The following C22orf39 variants were observed in gnomAD, a reference collection of about 807,000 sequenced individuals.
C22orf39 encodes synaptic plasticity regulator PANTS.
Under a neutral mutation model 18.3 loss-of-function variants are expected in C22orf39, and 20 were observed. The ratio of observed to expected loss-of-function variants is 1.09; its 90% CI spans 0.77 to 1.59. The LOEUF (loss-of-function observed/expected upper bound fraction) is 1.59. Among genes scored for constraint, C22orf39 ranks in the 40% most tolerant of loss-of-function variants. C22orf39 has a pLI of 0.00. For missense variants in C22orf39, 195 were observed against 156.1 expected, an observed-to-expected ratio of 1.25 and a Z score of -1.33; for synonymous variants, 63 against 59.6, an observed-to-expected ratio of 1.06 and a Z score of -0.26.
chr22:19,447,336 G>A (rs907617595), intron 2 of C22orf39, 42 bp downstream of exon 2: 5 of 1,427,728 alleles, frequency 3.5e-6, no homozygotes, highest in East Asian at 5.7e-5. Context: ...GCTGGGCCCC[G>A]CAAGGCGCTC....
rs1601879615 is a variant in C22orf39, at chr22:19,446,793, C to T, written c.192+585G>A. 2.0e-5 allele frequency among the ~76,000 whole-genome samples: 3 copies of T among 152,248 alleles called. No homozygotes were observed. In the South Asian group the frequency reaches 6.2e-4, roughly 32 times the overall value. On this transcript the variant is annotated intron_variant, in intron 2 of 2. Coordinates refer to ENST00000399562, the MANE Select transcript of C22orf39 (RefSeq NM_173793.5). Reference sequence around the variant, plus strand: ...CCATAGCTCACTGCAGCTTTGAACTCCTGGGCTTAGGCGATCCTCCCGCCT... The same window carrying T: ...CCATAGCTCACTGCAGCTTTGAACTTCTGGGCTTAGGCGATCCTCCCGCCT...
At chr22:19,447,280 G>T in intron 2 of C22orf39, 98 bp downstream of exon 2, 1 of 1,260,272 alleles carries the variant, frequency 7.9e-7, no homozygotes, top group Non-Finnish European at 1.0e-6. Flanking sequence ...GACCCCGTCA[G>T]TCCCCGGCTA....
intron 2 of C22orf39, among the ~76,000 whole-genome samples, chr22:19,446,440 TC>T (rs1383277833): frequency 2.0e-5 from 3 of 152,148 alleles, no homozygotes; most frequent in African/African-American, 7.2e-5. Context: ...TCCTTGGCAC[TC>T]CCCATGAGCC....
At chr22:19,444,483 G>T in intron 2 of C22orf39, 93 bp from the exon 3 acceptor site, 1 of 1,366,360 alleles carries the variant, frequency 7.3e-7, no homozygotes, top group Non-Finnish European at 9.9e-7. Context: ...AAACACAGAT[G>T]GACAGGCAGG....
chr22:19,443,362 GA>G lies in C22orf39; in HGVS notation c.*902del. 1.0e-6 allele frequency: 1 copy of G among 985,616 alleles called. No individual in the cohort carries two copies. Among genetic ancestry groups the G allele is most frequent in the Non-Finnish European group, 1.2e-6 (1 of 829,900 alleles). The allele number at this position is 985,616 out of a possible 1,614,324, so 61.1% of individuals were successfully genotyped here. ...ATTAGTAATAAACAGACCTCTTCAA[GA>G]AATAGTGTTTTTGGTGGTTCATACA... is the stretch of plus-strand genomic sequence containing the variant. On this transcript the variant is annotated 3_prime_UTR_variant, in exon 3 of 3. Transcript: ENST00000399562.
At position 19,447,447 on chromosome 22, in the gene C22orf39, G is replaced by A. The variant is rs2089648031; in HGVS notation, c.123C>T (p.Ala41=). ...HHYYVHGERP[A]CEQWQRDLAS... The stretch of plus-strand genomic sequence containing the variant: ...CCAGGTCGCGCTGCCACTGTTCGCA[G>A]GCCGGCCGCTCGCCGTGGACGTAGT... The change falls in exon 2 of 3, where the codon GCC becomes GCT. Residue 41 remains alanine (A), a synonymous_variant. Transcript: ENST00000399562. 4 of 1,513,202 alleles carry A rather than the reference G, an allele frequency of 2.6e-6. No homozygotes were observed. Among genetic ancestry groups the A allele is most frequent in the Non-Finnish European group, 3.5e-6 (4 of 1,139,216 alleles). The allele number at this position is 1,513,202 out of a possible 1,614,324, so 93.7% of individuals were successfully genotyped here. A position where few individuals can be genotyped will look rare whatever the true frequency, so the allele number is the denominator to read the frequency against.
chr22:19,447,513 C>T lies in C22orf39; in HGVS notation c.57G>A (p.Glu19=), dbSNP rs572806832. ...PPRPCEAYRA[E]WKLCRSARHF... The stretch of plus-strand genomic sequence containing the variant: ...GCCTGGCGCTGCGGCAGAGCTTCCA[C>T]TCGGCGCGGTAGGCCTCGCAGGGGC... Residue 19 remains glutamate (E), a synonymous_variant, in exon 2 of 3, where the codon GAG becomes GAA. Coordinates refer to ENST00000399562, the MANE Select transcript of C22orf39 (RefSeq NM_173793.5). The T allele has an allele frequency of 1.3e-5, 20 of 1,490,726 alleles. No homozygotes were observed. Among genetic ancestry groups the T allele is most frequent in the Admixed American group, 4.5e-5 (2 of 43,998 alleles). 92.3% of individuals were successfully genotyped at this position (1,490,726 alleles called of 1,614,324 possible). A position where few individuals can be genotyped will look rare whatever the true frequency, so the allele number is the denominator to read the frequency against.
At chr22:19,446,968 A>C (rs941682988) in intron 2 of C22orf39, among the ~76,000 whole-genome samples, 4 of 152,170 alleles carry the variant, frequency 2.6e-5, no homozygotes, top group Non-Finnish European at 5.9e-5. Flanking sequence ...GGTCCCTGGT[A>C]TACCGCTCTC....
In C22orf39 at chr22:19,444,460, T is replaced by C. The variant is rs1032855828; in HGVS notation, c.193-70A>G. 29 of 1,509,118 alleles carry C rather than the reference T, an allele frequency of 1.9e-5. No individual in the cohort carries two copies. The South Asian group carries it at 2.5e-4, about 13-fold the overall frequency. The allele number at this position is 1,509,118 out of a possible 1,614,324, so 93.5% of individuals were successfully genotyped here. ...TCAAGACCCCTGTACCTCCCCCCTC[T>C]CATCACCCTCTGAAACACAGATGGA... is the stretch of plus-strand genomic sequence containing the variant. On this transcript the variant is annotated intron_variant, in intron 2 of 2. Transcript: ENST00000399562.
rs1569321833 is a variant in C22orf39, at chr22:19,442,464, T to G, written c.*1801A>C. The G allele has an allele frequency of 6.6e-6, 1 of 152,268 alleles. No individual in the cohort carries two copies. Among genetic ancestry groups the G allele is most frequent in the Non-Finnish European group, 1.5e-5 (1 of 68,118 alleles). 9.4% of individuals were successfully genotyped at this position (152,268 alleles called of 1,614,324 possible). On this transcript the variant is annotated 3_prime_UTR_variant, in exon 3 of 3. Coordinates refer to ENST00000399562, the MANE Select transcript of C22orf39 (RefSeq NM_173793.5). ...AGGGGAAGCCCCTCATGGACTGGGG[T>G]GCTGGCTGGCATGCCCTGGCTTTTG...
Position 19,444,329 on chromosome 22 carries a change from C to T in C22orf39, c.254G>A (p.Trp85Ter). 1.2e-6 allele frequency: 2 copies of T among 1,601,368 alleles called. No individual in the cohort carries two copies. Residue 85 changes from tryptophan to a stop codon, truncating the protein, a stop_gained, in exon 3 of 3, where the codon TGG (tryptophan) becomes TAG (stop). Coordinates refer to ENST00000399562, the MANE Select transcript of C22orf39 (RefSeq NM_173793.5). LOFTEE classifies it high-confidence loss of function. ...VRAARKHILV[W>*]APRQSPPPDW... ...TGGAGGGGGGCTCTGCCTCGGGGCC[C>T]ACACCAGGATGTGCTTCCGTGCAGC...
chr22:19,441,851 G>A lies in C22orf39; in HGVS notation c.*2414C>T, dbSNP rs368012857. The A allele has an allele frequency of 3.0e-4, 285 of 934,956 alleles. 2 individuals are homozygous for A. The African/African-American group carries it at 3.9e-3, about 13-fold the overall frequency. 57.9% of individuals were successfully genotyped at this position (934,956 alleles called of 1,614,324 possible). A position where few individuals can be genotyped will look rare whatever the true frequency, so the allele number is the denominator to read the frequency against. On this transcript the variant is annotated 3_prime_UTR_variant, in exon 3 of 3. Transcript: ENST00000399562. The stretch of plus-strand genomic sequence containing the variant: ...TCTGTCACCCAGGTTGAAGTGCAGT[G>A]GGGCACAATCATGGCTCACTGCAGC...
At chr22:19,447,352 C>G (rs1161459934) in intron 2 of C22orf39, 26 bp downstream of exon 2, 2 of 1,451,706 alleles carry the variant, frequency 1.4e-6, no homozygotes, top group Non-Finnish European at 1.8e-6. Context: ...CGCTCCGAAG[C>G]GCCGCCCCGC....
rs911639784 is a variant in C22orf39, at chr22:19,441,597, T to C, written c.*2668A>G. On this transcript the variant is annotated 3_prime_UTR_variant, in exon 3 of 3. Transcript: ENST00000399562. ...AGGCTGGAGTGCAGTGGCACGATCA[T>C]AGCTGACTGCAACCTCAAACTCCTA... The C allele has an allele frequency of 3.4e-6, 3 of 870,100 alleles. No individual in the cohort carries two copies. The highest frequency in any genetic ancestry group is 1.7e-5 in the African/African-American group (1 of 60,016). 53.9% of individuals were successfully genotyped at this position (870,100 alleles called of 1,614,324 possible). A position where few individuals can be genotyped will look rare whatever the true frequency, so the allele number is the denominator to read the frequency against.
rs1601877055 is a variant in C22orf39, at chr22:19,441,439, A to G, written c.*2826T>C. On this transcript the variant is annotated 3_prime_UTR_variant, in exon 3 of 3. Coordinates refer to ENST00000399562, the MANE Select transcript of C22orf39 (RefSeq NM_173793.5). ...ATACATATTGTTTTGTATTTCAACA[A>G]TAATATGCTATATATAACAGTCTAT... 1 of 535,288 alleles carries G rather than the reference A, an allele frequency of 1.9e-6. No homozygotes were observed. Among genetic ancestry groups the G allele is most frequent in the Non-Finnish European group, 3.3e-6 (1 of 304,182 alleles). 33.2% of individuals were successfully genotyped at this position (535,288 alleles called of 1,614,324 possible).
chr22:19,441,506 T>C lies in C22orf39; in HGVS notation c.*2759A>G. On this transcript the variant is annotated 3_prime_UTR_variant, in exon 3 of 3. Coordinates refer to ENST00000399562, the MANE Select transcript of C22orf39 (RefSeq NM_173793.5). ...AAATACTTATTATTAATATGGGGTT[T>C]TATCCAAAACATTTATTTTTATTTT... 1.7e-6 allele frequency: 1 copy of C among 597,782 alleles called. No individual in the cohort carries two copies. Among genetic ancestry groups the C allele is most frequent in the Non-Finnish European group, 3.0e-6 (1 of 336,916 alleles). The allele number at this position is 597,782 out of a possible 1,614,324, so 37.0% of individuals were successfully genotyped here.
chr22:19,441,590 A>G lies in C22orf39; in HGVS notation c.*2675T>C. On this transcript the variant is annotated 3_prime_UTR_variant, in exon 3 of 3. Coordinates refer to ENST00000399562, the MANE Select transcript of C22orf39 (RefSeq NM_173793.5). Reference sequence around the variant, plus strand: ...GTTGCCCAGGCTGGAGTGCAGTGGCACGATCATAGCTGACTGCAACCTCAA... The same window carrying G: ...GTTGCCCAGGCTGGAGTGCAGTGGCGCGATCATAGCTGACTGCAACCTCAA... The G allele has an allele frequency of 1.2e-6, 1 of 803,928 alleles. No individual in the cohort carries two copies. The highest frequency in any genetic ancestry group is 1.7e-5 in the African/African-American group (1 of 58,824). 49.8% of individuals were successfully genotyped at this position (803,928 alleles called of 1,614,324 possible).
Position 19,441,568 on chromosome 22 carries a change from G to T in C22orf39, c.*2697C>A. 2.9e-6 allele frequency: 2 copies of T among 701,124 alleles called. No homozygotes were observed. The highest frequency in any genetic ancestry group is 5.1e-6 in the Non-Finnish European group (2 of 389,668). 43.4% of individuals were successfully genotyped at this position (701,124 alleles called of 1,614,324 possible). A position where few individuals can be genotyped will look rare whatever the true frequency, so the allele number is the denominator to read the frequency against. ...TTTAGAGATGGGGTCTTGCTCTGTTGCCCAGGCTGGAGTGCAGTGGCACGA... is the reference window on the plus strand; with the variant it reads ...TTTAGAGATGGGGTCTTGCTCTGTTTCCCAGGCTGGAGTGCAGTGGCACGA... On this transcript the variant is annotated 3_prime_UTR_variant, in exon 3 of 3. Transcript: ENST00000399562.
In C22orf39 at chr22:19,443,091, A is replaced by ACC; in HGVS notation, c.*1172_*1173dup. 1.1e-3 allele frequency: 154 copies of ACC among 138,470 alleles called. No homozygotes were observed. The highest frequency in any genetic ancestry group is 8.4e-3 in the Middle Eastern group (3 of 358). The allele number at this position is 138,470 out of a possible 1,614,324, so 8.6% of individuals were successfully genotyped here. On this transcript the variant is annotated 3_prime_UTR_variant, in exon 3 of 3. Transcript: ENST00000399562. ...TCCCGTGAGCACAACCCCCACCCCCACCCCCACTGTTCACAGACACAGGGG... is the reference window on the plus strand; with the variant it reads ...TCCCGTGAGCACAACCCCCACCCCCACCCCCCCACTGTTCACAGACACAGGGG...
Sources: gnomAD v4.1 joint callset for allele counts (sites outside exome capture counted in the v4.1 genomes callset) on GRCh38, gnomAD v4.1.1 for gene constraint, MANE v1.5 for transcripts, NCBI Gene and HGNC (gene_info 2026-07-23, HGNC 2026-07-21) for gene names.